Variants in THSD4 observed in about 807,000 individuals in gnomAD.
THSD4 encodes the protein thrombospondin type 1 domain containing 4, also known as thrombospondin type-1 domain-containing protein 4.
In THSD4, 69 loss-of-function variants were observed where a neutral mutation model predicts 119.0. The observed-to-expected ratio is 0.58, with a 90% CI of 0.48 to 0.71. The LOEUF (loss-of-function observed/expected upper bound fraction) is 0.71, where lower values mean the gene tolerates loss of function less well. THSD4 is among the 30% of genes least tolerant of loss of function. The pLI is 0.00. For synonymous variants in THSD4, 524 were observed against 540.4 expected (o/e 0.97, Z 0.42); for missense variants, 1,393 against 1,391.1 (o/e 1.00, Z -0.02).
At chr15:71,645,263 A>T (rs2050945882) in intron 7 of THSD4, among the ~76,000 whole-genome samples, 1 of 152,144 alleles carries the variant, frequency 6.6e-6, no homozygotes, top group Admixed American at 6.6e-5. Flanking sequence ...ATTGACTCAC[A>T]ATTCCACAAG....
chr15:71,352,509 T>G (rs1019598135), intron 6 of THSD4, among the ~76,000 whole-genome samples: 1 of 152,184 alleles, frequency 6.6e-6, no homozygotes, highest in Non-Finnish European at 1.5e-5. Flanking sequence ...TGAGTGGAGT[T>G]AAAAAGTATG....
intron 1 of THSD4, among the ~76,000 whole-genome samples, chr15:71,102,875 A>G (rs2040258800): frequency 6.6e-6 from 1 of 152,024 alleles, no homozygotes; most frequent in Admixed American, 6.6e-5. Context: ...CTGTTTTTAT[A>G]TCTTCTTTTT....
chr15:71,440,020 T>C, intron 7 of THSD4, among the ~76,000 whole-genome samples: 1 of 151,858 alleles, frequency 6.6e-6, no homozygotes, highest in East Asian at 1.9e-4. Context: ...ATAATAATAA[T>C]AAAAAAAGAA....
intron 7 of THSD4, among the ~76,000 whole-genome samples, chr15:71,489,540 A>G (rs569129478): frequency 1.3e-5 from 2 of 151,972 alleles, no homozygotes; most frequent in South Asian, 2.1e-4. Flanking sequence ...TGCCCCTCAC[A>G]CTCCAGAAGT....
intron 7 of THSD4, among the ~76,000 whole-genome samples, chr15:71,545,147 G>A (rs936319563): frequency 2.6e-5 from 4 of 152,194 alleles, no homozygotes; most frequent in Non-Finnish European, 5.9e-5. Context: ...CTTAGTAATG[G>A]CCAAAATGAT....
chr15:71,611,225 C>T (rs964259909), intron 7 of THSD4, among the ~76,000 whole-genome samples: 1 of 152,226 alleles, frequency 6.6e-6, no homozygotes, highest in Non-Finnish European at 1.5e-5. Context: ...GCATGGACTC[C>T]ATTTCCCTTG....
chr15:71,453,473 C>G (rs892273450), intron 7 of THSD4, among the ~76,000 whole-genome samples: 1 of 152,176 alleles, frequency 6.6e-6, no homozygotes, highest in Non-Finnish European at 1.5e-5. Context: ...TCACCTGCCA[C>G]AAACGAATAA....
chr15:71,554,066 GT>G (rs1200537445), intron 7 of THSD4, among the ~76,000 whole-genome samples: 3 of 140,276 alleles, frequency 2.1e-5, no homozygotes, highest in African/African-American at 7.7e-5. Context: ...GTTTTGTTTT[GT>G]TTTTTCGTTT....
In THSD4 at chr15:71,231,168, C is replaced by T. The variant is rs140718997; in HGVS notation, c.465-11481C>T. 1.7e-3 allele frequency among the ~76,000 whole-genome samples: 254 copies of T among 152,352 alleles called. 3 individuals are homozygous for T. The highest frequency in any genetic ancestry group is 0.01 in the Middle Eastern group (3 of 294). On this transcript the variant is annotated intron_variant, in intron 4 of 17. Transcript: ENST00000261862. ...TGTGGTTGGCTTGTTCTTAGGGAAA[C>T]TTGGCTGATTTTCAAACACAATCTT...
intron 6 of THSD4, among the ~76,000 whole-genome samples, chr15:71,285,793 G>T (rs2044708505): frequency 6.9e-6 from 1 of 145,388 alleles, no homozygotes; most frequent in African/African-American, 2.6e-5. Flanking sequence ...GGCAGAGGTT[G>T]CAGTGAGCCG....
intron 6 of THSD4, among the ~76,000 whole-genome samples, chr15:71,273,646 C>T (rs976340071): frequency 1.3e-5 from 2 of 152,088 alleles, no homozygotes; most frequent in Non-Finnish European, 2.9e-5. Context: ...TAAATATATA[C>T]AAATATTTAT....
chr15:71,497,626 A>G (rs1282673167), intron 7 of THSD4, among the ~76,000 whole-genome samples: 2 of 152,088 alleles, frequency 1.3e-5, no homozygotes, highest in Non-Finnish European at 2.9e-5. Context: ...TCTTTGTTCA[A>G]GGAGTCCTGT....
chr15:71,682,459 C>A (rs187764230), intron 8 of THSD4, among the ~76,000 whole-genome samples: 7 of 152,304 alleles, frequency 4.6e-5, no homozygotes, highest in Admixed American at 4.6e-4. Context: ...CTAACCTCCC[C>A]ACCGCAGAAA....
chr15:71,268,047 TCAA>T (rs1405815476), intron 6 of THSD4, among the ~76,000 whole-genome samples: 2 of 152,132 alleles, frequency 1.3e-5, no homozygotes, highest in African/African-American at 2.4e-5. Flanking sequence ...ATTAGACAGA[TCAA>T]CGAGACAGAA....
At chr15:71,138,942 C>T (rs2040576479) in intron 1 of THSD4, among the ~76,000 whole-genome samples, 1 of 151,602 alleles carries the variant, frequency 6.6e-6, no homozygotes, top group East Asian at 1.9e-4. Context: ...TTTAATATAA[C>T]AACCCTATGA....
chr15:71,469,911 G>C (rs2047550120), intron 7 of THSD4, among the ~76,000 whole-genome samples: 1 of 152,160 alleles, frequency 6.6e-6, no homozygotes, highest in Admixed American at 6.5e-5. Flanking sequence ...AGTTATAATA[G>C]AGAGGAATTC....
At chr15:71,369,977 T>C (rs143895933) in intron 6 of THSD4, among the ~76,000 whole-genome samples, 3,702 of 152,170 alleles carry the variant, frequency 0.024, 269 homozygotes, top group East Asian at 0.23. Flanking sequence ...TTGGTCTATT[T>C]AGGGATTCAA....
intron 6 of THSD4, among the ~76,000 whole-genome samples, chr15:71,258,577 A>G (rs1196514609): frequency 1.3e-5 from 2 of 152,234 alleles, no homozygotes; most frequent in Non-Finnish European, 2.9e-5. Flanking sequence ...CTGTAAATCT[A>G]AAATGATTTC....
At chr15:71,337,451 C>T (rs2045503091) in intron 6 of THSD4, among the ~76,000 whole-genome samples, 1 of 152,232 alleles carries the variant, frequency 6.6e-6, no homozygotes, top group Non-Finnish European at 1.5e-5. Flanking sequence ...ACCGCAAATA[C>T]TTGCCTTGTG....
Sources: allele counts gnomAD v4.1 joint callset (sites outside exome capture counted in the v4.1 genomes callset), GRCh38; gene constraint gnomAD v4.1.1; transcripts MANE v1.5; gene names NCBI Gene and HGNC (gene_info 2026-07-23, HGNC 2026-07-21).